The following ACSS1 variants were observed in gnomAD, a reference collection of about 807,000 sequenced individuals.
ACSS1 encodes acetyl-coenzyme A synthetase 2-like, mitochondrial.
A neutral mutation model predicts 75.3 loss-of-function variants in ACSS1; 42 were observed. That is an observed-to-expected ratio of 0.56 (90% confidence interval 0.44 to 0.72). ACSS1 has a LOEUF of 0.72. Among genes scored for constraint, ACSS1 ranks in the 30% least tolerant of loss-of-function variants. The probability of loss-of-function intolerance (pLI) is 0.00; values close to 1 mark genes in which losing one functional copy is unlikely to be tolerated. For synonymous variants in ACSS1, 380 were observed against 376.8 expected (o/e 1.01, Z -0.10); for missense variants, 782 against 935.7 (o/e 0.84, Z 2.14).
chr20:25,014,101 T>C (rs1405957968), intron 8 of ACSS1, 28 bp from the exon 9 acceptor site: 12 of 1,555,224 alleles, frequency 7.7e-6, no homozygotes, highest in African/African-American at 4.1e-5. Context: ...AAGAAATGCA[T>C]AATCGGCCCC....
intron 2 of ACSS1, among the ~76,000 whole-genome samples, chr20:25,032,186 C>T (rs893631932): frequency 2.0e-5 from 3 of 152,206 alleles, no homozygotes; most frequent in South Asian, 2.1e-4. Context: ...CTATGGTGTG[C>T]GCATGCCCTT....
chr20:25,028,768 A>C (rs987155769), intron 3 of ACSS1, among the ~76,000 whole-genome samples: 2 of 152,140 alleles, frequency 1.3e-5, no homozygotes, highest in Admixed American at 1.3e-4. Context: ...AAAACTACAA[A>C]AATTAGCTCG....
intron 3 of ACSS1, among the ~76,000 whole-genome samples, chr20:25,024,452 G>T (rs77671253): frequency 0.039 from 6,004 of 152,262 alleles, 192 homozygotes; most frequent in African/African-American, 0.09. Context: ...GAAGAGCCTG[G>T]GACAAATGCC....
chr20:25,057,682 CG>C (rs1164533693), intron 1 of ACSS1, 86 bp downstream of exon 1: 45 of 1,366,892 alleles, frequency 3.3e-5, no homozygotes, highest in African/African-American at 2.1e-4. Context: ...CCGCGCTGCC[CG>C]GGGACGGCTG....
intron 2 of ACSS1, among the ~76,000 whole-genome samples, chr20:25,044,046 G>C (rs1167662048): frequency 6.6e-6 from 1 of 152,210 alleles, no homozygotes; most frequent in Non-Finnish European, 1.5e-5. Flanking sequence ...TCTCCTCTGT[G>C]TGGGGGCATA....
intron 2 of ACSS1, among the ~76,000 whole-genome samples, chr20:25,031,799 G>A (rs538497650): frequency 6.6e-6 from 1 of 152,302 alleles, no homozygotes; most frequent in South Asian, 2.1e-4. Context: ...GATCATCATG[G>A]TTCCAAAACT....
At chr20:25,051,485 C>A (rs1313129230) in intron 1 of ACSS1, among the ~76,000 whole-genome samples, 1 of 152,188 alleles carries the variant, frequency 6.6e-6, no homozygotes, top group Non-Finnish European at 1.5e-5. Context: ...TGCTTCTCAA[C>A]CTTGAGTGGC....
At chr20:25,016,913 T>G (rs1396403600) in intron 7 of ACSS1, among the ~76,000 whole-genome samples, 2 of 152,040 alleles carry the variant, frequency 1.3e-5, no homozygotes, top group African/African-American at 4.8e-5. Flanking sequence ...GGAACTTAAC[T>G]GCAGAGACAG....
At chr20:25,030,229 A>G (rs1370485406) in intron 3 of ACSS1, among the ~76,000 whole-genome samples, 4 of 152,316 alleles carry the variant, frequency 2.6e-5, no homozygotes, top group Admixed American at 1.3e-4. Flanking sequence ...TAGGGCCACC[A>G]TCCAGACACT....
At chr20:25,031,305 C>A (rs1028216674) in intron 2 of ACSS1, among the ~76,000 whole-genome samples, 2 of 152,114 alleles carry the variant, frequency 1.3e-5, no homozygotes, top group African/African-American at 4.8e-5. Context: ...AGGCACATTC[C>A]TTGCCAGTCA....
Position 25,021,507 on chromosome 20 carries a change from G to C in ACSS1, c.990C>G (p.Ile330Met). ...KLVFDHQPGDIFGCVADIGWI... is the reference protein window; with the variant it reads ...KLVFDHQPGDMFGCVADIGWI... ...AACCGATGTCGGCCACACAGCCAAA[G>C]ATGTCACCTGGCTGGTGGTCAAACA... is the stretch of plus-strand genomic sequence containing the variant. Residue 330 changes from isoleucine (I) to methionine (M), a missense_variant, in exon 6 of 14, where the codon ATC (isoleucine) becomes ATG (methionine). Around this residue, in one of 2 missense-constraint regions of ACSS1, gnomAD observed 405 missense variants for 552.6 expected, o/e 0.73. Coordinates refer to ENST00000323482, the MANE Select transcript of ACSS1 (RefSeq NM_032501.4). 1 of 1,614,210 alleles carries C rather than the reference G, an allele frequency of 6.2e-7. No individual in the cohort carries two copies. The highest frequency in any genetic ancestry group is 8.5e-7 in the Non-Finnish European group (1 of 1,180,026).
At position 25,015,200 on chromosome 20, in the gene ACSS1, T is replaced by G; in HGVS notation, c.1277A>C (p.Glu426Ala). ...VGEPINCEAW[E>A]WLHRVVGDSR... is the part of the protein sequence containing the mutation. ...GTCCCCCACCACCCTGTGAAGCCAC[T>G]CCCAGGCCTCACAGTTGATGGGCTC... Residue 426 changes from glutamate (E) to alanine (A), a missense_variant, in exon 8 of 14, where the codon GAG becomes GCG. This residue lies in a region of ACSS1 where 405 missense variants were observed against 552.6 expected (regional missense o/e 0.73). Transcript: ENST00000323482. 6.2e-7 allele frequency: 1 copy of G among 1,612,480 alleles called. No individual in the cohort carries two copies. The highest frequency in any genetic ancestry group is 8.5e-7 in the Non-Finnish European group (1 of 1,178,764).
intron 2 of ACSS1, 150 bp from the exon 3 acceptor site, chr20:25,031,108 G>T: frequency 1.2e-6 from 1 of 805,828 alleles, no homozygotes; most frequent in Non-Finnish European, 2.0e-6. Context: ...TGCATGGAAA[G>T]TACTTTTCCA....
intron 12 of ACSS1, chr20:25,010,318 C>T (rs1243645728): frequency 1.3e-5 from 2 of 152,314 alleles, no homozygotes; most frequent in Non-Finnish European, 2.9e-5. Flanking sequence ...CTCCTCTACT[C>T]TTGACCCCTC....
In ACSS1 at chr20:25,008,024, C is replaced by T. The variant is rs1001858506; in HGVS notation, c.1891-83G>A. On this transcript the variant is annotated intron_variant, in intron 13 of 13. Transcript: ENST00000323482. Reference sequence around the variant, plus strand: ...GTGGACTGCATTAAGATCAGAAGGGCTCTGCTCAGGGGGGATGCCCTCCCG... The same window carrying T: ...GTGGACTGCATTAAGATCAGAAGGGTTCTGCTCAGGGGGGATGCCCTCCCG... The T allele has an allele frequency of 9.3e-6, 14 of 1,502,410 alleles. No individual in the cohort carries two copies. In the African/African-American group the frequency reaches 1.5e-4, roughly 16 times the overall value. The allele number at this position is 1,502,410 out of a possible 1,614,324, so 93.1% of individuals were successfully genotyped here. A position where few individuals can be genotyped will look rare whatever the true frequency, so the allele number is the denominator to read the frequency against.
At chr20:25,018,407 A>C (rs1041436688) in intron 7 of ACSS1, among the ~76,000 whole-genome samples, 7 of 152,226 alleles carry the variant, frequency 4.6e-5, no homozygotes, top group African/African-American at 1.7e-4. Context: ...CACAAAGCAA[A>C]CTAAGATTCA....
At chr20:25,048,945 C>T (rs2089138737) in intron 1 of ACSS1, among the ~76,000 whole-genome samples, 1 of 152,204 alleles carries the variant, frequency 6.6e-6, no homozygotes, top group Admixed American at 6.5e-5. Flanking sequence ...ACCCTCAAGC[C>T]AGCTCTCCTC....
intron 1 of ACSS1, among the ~76,000 whole-genome samples, chr20:25,054,837 C>T (rs1035658326): frequency 2.2e-4 from 33 of 152,216 alleles, no homozygotes; most frequent in African/African-American, 7.5e-4. Flanking sequence ...TGCTAAAGTG[C>T]GGTGTCACCA....
intron 8 of ACSS1, 58 bp from the exon 9 acceptor site, chr20:25,014,131 T>TCCAGAGGTGATG (rs1351352678): frequency 1.4e-6 from 2 of 1,409,386 alleles, no homozygotes. Context: ...GATACGTGTA[T>TCCAGAGGTGATG]CCAGAGTGGG....
Sources: gnomAD v4.1 joint callset for allele counts (sites outside exome capture counted in the v4.1 genomes callset) on GRCh38, gnomAD v4.1.1 for gene constraint, gnomAD v4.1.1 regional missense constraint, MANE v1.5 for transcripts, NCBI Gene and HGNC (gene_info 2026-07-23, HGNC 2026-07-21) for gene names.